Variants in CD160 observed in about 807,000 individuals in gnomAD.
CD160 encodes the protein CD160 antigen.
A neutral mutation model predicts 19.2 loss-of-function variants in CD160; 11 were observed. That is an observed-to-expected ratio of 0.57 (90% CI 0.36 to 0.95). The LOEUF (loss-of-function observed/expected upper bound fraction) is 0.95. CD160 is among the 40% of genes least tolerant of loss of function. CD160 has a pLI of 0.01. For synonymous variants in CD160, 75 were observed against 81.1 expected (o/e 0.93, Z 0.40); for missense variants, 182 against 213.2 (o/e 0.85, Z 0.91).
At chr1:145,721,825 G>A (rs1553707845) in intron 1 of CD160, among the ~76,000 whole-genome samples, 3 of 152,162 alleles carry the variant, frequency 2.0e-5, no homozygotes, top group Admixed American at 1.3e-4. Flanking sequence ...TTGCCATCTT[G>A]CAGCCTTTCC....
chr1:145,722,147 G>T (rs1339311284), intron 1 of CD160, among the ~76,000 whole-genome samples: 1 of 152,180 alleles, frequency 6.6e-6, no homozygotes, highest in Non-Finnish European at 1.5e-5. Flanking sequence ...GCAGGTAGAT[G>T]TGCCTGGAAC....
chr1:145,731,767 G>T (rs1657305246), intron 4 of CD160, among the ~76,000 whole-genome samples: 2 of 152,170 alleles, frequency 1.3e-5, no homozygotes, highest in African/African-American at 4.8e-5. Flanking sequence ...TCTAAATTCA[G>T]GCAGACAACG....
intron 1 of CD160, among the ~76,000 whole-genome samples, chr1:145,724,383 T>C (rs1553708151): frequency 2.0e-5 from 3 of 152,214 alleles, no homozygotes; most frequent in Non-Finnish European, 4.4e-5. Flanking sequence ...CTTTATTTTC[T>C]TGTCTAAATA....
chr1:145,720,427 C>A (rs72997771), intron 1 of CD160, among the ~76,000 whole-genome samples: 2,374 of 152,264 alleles, frequency 0.016, 70 homozygotes, highest in African/African-American at 0.054. Context: ...GAGCAGGAAG[C>A]CTGAGATCTC....
chr1:145,728,507 T>A (rs941349849), intron 3 of CD160, 107 bp downstream of exon 3: 181 of 559,550 alleles, frequency 3.2e-4, no homozygotes, highest in Non-Finnish European at 4.7e-4. Flanking sequence ...GACTCTTTTT[T>A]TTTTTTTTTT....
chr1:145,728,599 G>C (rs1657156521), intron 3 of CD160, among the ~76,000 whole-genome samples, 199 bp downstream of exon 3: 1 of 144,756 alleles, frequency 6.9e-6, no homozygotes, highest in African/African-American at 2.6e-5. Context: ...CGCCTCCCAT[G>C]TTCAAGCAAT....
intron 1 of CD160, among the ~76,000 whole-genome samples, chr1:145,722,185 G>A (rs1169668115): frequency 1.3e-5 from 2 of 152,168 alleles, no homozygotes; most frequent in Non-Finnish European, 2.9e-5. Flanking sequence ...ATATAAGAAA[G>A]CATAAAACTA....
At position 145,736,110 on chromosome 1, in the gene CD160, G is replaced by A. The variant is rs1553710101; in HGVS notation, c.514G>A (p.Val172Ile). The change falls in exon 5 of 6, where the codon GTC (valine) becomes ATC (isoleucine). Residue 172 changes from valine to isoleucine, a missense_variant. Coordinates refer to ENST00000369288, the MANE Select transcript of CD160 (RefSeq NM_007053.4). ...ACAAGAAAAGGTCTGGGTAATGCTG[G>A]TCACCAGCCTTGTGGCCCTTCAAGG... ...FLQEKVWVML[V>I]TSLVALQAL 9 of 1,614,120 alleles carry A rather than the reference G, an allele frequency of 5.6e-6. No individual in the cohort carries two copies. Among genetic ancestry groups the A allele is most frequent in the Admixed American group, 3.3e-5 (2 of 60,014 alleles).
intron 3 of CD160, among the ~76,000 whole-genome samples, chr1:145,728,951 G>T (rs1279577817): frequency 6.6e-6 from 1 of 152,032 alleles, no homozygotes; most frequent in Non-Finnish European, 1.5e-5. Context: ...ATGAAATCCA[G>T]GTTTGAGATC....
In CD160 at chr1:145,736,357, T is replaced by C. The variant is rs989854198; in HGVS notation, c.538+223T>C. 2.2e-6 allele frequency: 3 copies of C among 1,342,688 alleles called. No homozygotes were observed. The African/African-American group carries it at 4.4e-5, about 20-fold the overall frequency. 83.2% of individuals were successfully genotyped at this position (1,342,688 alleles called of 1,614,324 possible). ...ATCAGACTTTTCAATGGGTAGGAGGTAAGACTCATTAGGAATGAAGGCCTG... is the reference window on the plus strand; with the variant it reads ...ATCAGACTTTTCAATGGGTAGGAGGCAAGACTCATTAGGAATGAAGGCCTG... On this transcript the variant is annotated intron_variant, in intron 5 of 5. Transcript: ENST00000369288.
intron 5 of CD160, 122 bp downstream of exon 5, chr1:145,736,256 C>T (rs1553710177): frequency 1.3e-6 from 2 of 1,563,542 alleles, no homozygotes; most frequent in Admixed American, 3.9e-5. Context: ...AAAAATGTTA[C>T]TCAAGCCCTG....
rs782360575 is a variant in CD160, at chr1:145,728,407, A to G, written c.73+7A>G. 2 of 1,598,180 alleles carry G rather than the reference A, an allele frequency of 1.3e-6. No individual in the cohort carries two copies. The highest frequency in any genetic ancestry group is 1.1e-5 in the South Asian group (1 of 90,762). ...GTGGACATCCAGTCTGGTGGTGAGG[A>G]TAGACCCTAGAGCAGAGACGGCCAT... is the stretch of plus-strand genomic sequence containing the variant. On this transcript the variant is annotated splice_region_variant and intron_variant, in intron 3 of 5. Transcript: ENST00000369288.
intron 1 of CD160, among the ~76,000 whole-genome samples, chr1:145,724,188 C>G (rs1553708132): frequency 6.6e-6 from 1 of 152,026 alleles, no homozygotes; most frequent in African/African-American, 2.4e-5. Flanking sequence ...TTTGTACTTC[C>G]CTGAATACTT....
intron 2 of CD160, among the ~76,000 whole-genome samples, chr1:145,725,575 T>C (rs1007673447): frequency 6.6e-6 from 1 of 152,130 alleles, no homozygotes; most frequent in Admixed American, 6.5e-5. Flanking sequence ...TAAAGAAAAA[T>C]AATATCATTT....
intron 4 of CD160, among the ~76,000 whole-genome samples, chr1:145,735,595 AAAC>A (rs1175782683): frequency 6.6e-6 from 1 of 151,916 alleles, no homozygotes; most frequent in African/African-American, 2.4e-5. Flanking sequence ...AAAAAAACAA[AAAC>A]AAAACAAACA....
chr1:145,731,776 C>T (rs778069920), intron 4 of CD160, among the ~76,000 whole-genome samples: 2 of 152,064 alleles, frequency 1.3e-5, no homozygotes, highest in African/African-American at 2.4e-5. Context: ...AGGCAGACAA[C>T]GAGATTAGGT....
At chr1:145,732,458 G>A (rs1657333867) in intron 4 of CD160, among the ~76,000 whole-genome samples, 1 of 151,944 alleles carries the variant, frequency 6.6e-6, no homozygotes, top group African/African-American at 2.4e-5. Flanking sequence ...AGGATCACTT[G>A]AGCCCAGGAG....
chr1:145,735,962 A>G (rs1553710060), intron 4 of CD160, 35 bp from the exon 5 acceptor site: 1 of 1,495,902 alleles, frequency 6.7e-7, no homozygotes, highest in South Asian at 1.2e-5. Context: ...GATTTCTGAA[A>G]CCCTCCCCTG....
intron 1 of CD160, among the ~76,000 whole-genome samples, chr1:145,723,220 A>T (rs1381616807): frequency 6.6e-6 from 1 of 152,146 alleles, no homozygotes; most frequent in Non-Finnish European, 1.5e-5. Context: ...AAATGTATAG[A>T]TAAGTACAGA....
Sources: gnomAD v4.1 joint callset for allele counts (sites outside exome capture counted in the v4.1 genomes callset) on GRCh38, gnomAD v4.1.1 for gene constraint, MANE v1.5 for transcripts, NCBI Gene and HGNC (gene_info 2026-07-23, HGNC 2026-07-21) for gene names.